TBC1D5: variants seen among roughly 807,000 people sequenced by gnomAD.
The protein encoded by TBC1D5 is TBC1 domain family, member 5.
Under a neutral mutation model 100.3 loss-of-function variants are expected in TBC1D5, and 75 were observed. The observed-to-expected ratio is 0.75, with a 90% CI of 0.62 to 0.91. The LOEUF (loss-of-function observed/expected upper bound fraction) is 0.91, where lower values mean the gene tolerates loss of function less well. TBC1D5 is among the 40% of genes least tolerant of loss of function. TBC1D5 has a pLI of 0.00. For missense variants in TBC1D5, 910 were observed against 942.4 expected (o/e 0.97, Z 0.45); for synonymous variants, 323 against 325.6 (o/e 0.99, Z 0.09).
chr3:17,440,205 G>C (rs2094622192), intron 3 of TBC1D5, among the ~76,000 whole-genome samples: 1 of 152,118 alleles, frequency 6.6e-6, no homozygotes, highest in African/African-American at 2.4e-5. Context: ...TATGAATGAG[G>C]GGGTGGATAA....
At chr3:17,503,519 G>A (rs559327059) in intron 3 of TBC1D5, among the ~76,000 whole-genome samples, 21 of 149,342 alleles carry the variant, frequency 1.4e-4, no homozygotes, top group Non-Finnish European at 2.4e-4. Context: ...CCTAGTACAC[G>A]CAAGGCACTC....
At chr3:17,195,917 A>T (rs2733527) in intron 18 of TBC1D5, among the ~76,000 whole-genome samples, 59,356 of 152,004 alleles carry the variant, frequency 0.39, 12,285 homozygotes, top group Middle Eastern at 0.5. Flanking sequence ...ACTAAATACC[A>T]ACAATTCCTA....
chr3:17,579,344 AATT>A (rs1251454515), intron 2 of TBC1D5, among the ~76,000 whole-genome samples: 1 of 152,082 alleles, frequency 6.6e-6, no homozygotes, highest in Non-Finnish European at 1.5e-5. Context: ...GCCATCTTTC[AATT>A]ATTATGGGTT....
At chr3:17,741,800 A>ATTTTTTT (rs779385615), upstream of TBC1D5, among the ~76,000 whole-genome samples, 4 of 47,956 alleles carry the variant, frequency 8.3e-5, no homozygotes, top group Non-Finnish European at 1.5e-4. Context: ...CTCCCTGCGA[A>ATTTTTTT]TTTTTTTTTT....
chr3:17,290,991 T>C (rs2081667605), intron 15 of TBC1D5, among the ~76,000 whole-genome samples: 1 of 152,190 alleles, frequency 6.6e-6, no homozygotes, highest in Non-Finnish European at 1.5e-5. Flanking sequence ...TCCTTTAGAA[T>C]CTAAATTTAC....
chr3:17,229,823 G>A (rs902654029), intron 17 of TBC1D5, among the ~76,000 whole-genome samples: 1 of 152,134 alleles, frequency 6.6e-6, no homozygotes, highest in African/African-American at 2.4e-5. Context: ...TGTGCCAAGT[G>A]GGCTGATGTA....
chr3:17,709,473 T>C lies in TBC1D5; in HGVS notation c.-101+29870A>G, dbSNP rs2074498776. On this transcript the variant is annotated intron_variant, in intron 1 of 21. Coordinates refer to ENST00000253692, the Ensembl canonical transcript of TBC1D5. ...CTAGTTCCTGATTTTCAGTTCCCTA[T>C]AAAAATTAACTGCAATTCCTGCTTA... 2.0e-5 allele frequency among the ~76,000 whole-genome samples: 3 copies of C among 152,202 alleles called. No homozygotes were observed. In the South Asian group the frequency reaches 6.2e-4, roughly 31 times the overall value.
intron 1 of TBC1D5, among the ~76,000 whole-genome samples, chr3:17,722,681 G>A (rs1027387883): frequency 6.6e-6 from 1 of 152,218 alleles, no homozygotes; most frequent in African/African-American, 2.4e-5. Flanking sequence ...ACACCTGCAA[G>A]GTAGTCGTTA....
chr3:17,261,361 C>T (rs6789714), intron 15 of TBC1D5, among the ~76,000 whole-genome samples: 1,991 of 151,252 alleles, frequency 0.013, 42 homozygotes, highest in African/African-American at 0.045. Context: ...ATAACTGGGA[C>T]GTACCAAAAT....
chr3:17,335,857 C>T (rs1265690018), intron 13 of TBC1D5, among the ~76,000 whole-genome samples: 1 of 152,126 alleles, frequency 6.6e-6, no homozygotes, highest in Non-Finnish European at 1.5e-5. Flanking sequence ...CTTATGTTGG[C>T]ACAGTGAGCT....
chr3:17,173,677 T>A (rs554636290), intron 19 of TBC1D5, among the ~76,000 whole-genome samples: 2 of 152,322 alleles, frequency 1.3e-5, no homozygotes, highest in South Asian at 4.1e-4. Context: ...ACCTTAAATA[T>A]TCAGATATCT....
chr3:17,280,017 G>T (rs1032043775), intron 15 of TBC1D5, among the ~76,000 whole-genome samples: 3 of 152,190 alleles, frequency 2.0e-5, no homozygotes, highest in Non-Finnish European at 4.4e-5. Flanking sequence ...TTAGTTGGAG[G>T]TAATTAGTCA....
intron 18 of TBC1D5, among the ~76,000 whole-genome samples, chr3:17,211,012 A>G (rs1210751481): frequency 6.6e-6 from 1 of 152,242 alleles, no homozygotes; most frequent in African/African-American, 2.4e-5. Flanking sequence ...AAAAAAATCT[A>G]TTAAAATATG....
intron 16 of TBC1D5, among the ~76,000 whole-genome samples, chr3:17,242,147 C>A (rs2076358779): frequency 6.6e-6 from 1 of 152,138 alleles, no homozygotes; most frequent in African/African-American, 2.4e-5. Context: ...GAAAGAGCTT[C>A]TAGGGCCTCC....
At chr3:17,557,819 AT>A (rs1460992443) in intron 2 of TBC1D5, among the ~76,000 whole-genome samples, 1 of 152,216 alleles carries the variant, frequency 6.6e-6, no homozygotes, top group Non-Finnish European at 1.5e-5. Context: ...AATATCAGAA[AT>A]TTTAGTAAAA....
chr3:17,363,167 A>T (rs2091860446), intron 13 of TBC1D5, among the ~76,000 whole-genome samples: 1 of 151,812 alleles, frequency 6.6e-6, no homozygotes, highest in East Asian at 1.9e-4. Context: ...CATTTCCCCT[A>T]TTTTTATTTA....
At chr3:17,520,625 C>G (rs899209785) in intron 2 of TBC1D5, among the ~76,000 whole-genome samples, 4 of 151,952 alleles carry the variant, frequency 2.6e-5, no homozygotes, top group African/African-American at 9.7e-5. Flanking sequence ...ATCTCCTTCT[C>G]TCAAGGGGCC....
chr3:17,472,248 C>A (rs2095385390), intron 3 of TBC1D5, among the ~76,000 whole-genome samples: 1 of 151,430 alleles, frequency 6.6e-6, no homozygotes, highest in African/African-American at 2.4e-5. Flanking sequence ...AAGTGATTCT[C>A]CTGCCTCAGC....
intron 15 of TBC1D5, among the ~76,000 whole-genome samples, chr3:17,285,415 C>G (rs1296496035): frequency 6.6e-6 from 1 of 151,258 alleles, no homozygotes; most frequent in Non-Finnish European, 1.5e-5. Context: ...CGCCCGCTAC[C>G]ACGCCCGGCT....
Sources: allele counts gnomAD v4.1 joint callset (sites outside exome capture counted in the v4.1 genomes callset), GRCh38; gene constraint gnomAD v4.1.1; transcripts MANE v1.5; gene names NCBI Gene and HGNC (gene_info 2026-07-23, HGNC 2026-07-21).